The following NRXN3 variants were observed in gnomAD, a reference collection of about 807,000 sequenced individuals.
NRXN3 encodes neurexin 3, also known as neurexin III.
A neutral mutation model predicts 137.6 loss-of-function variants in NRXN3; 32 were observed. That is an observed-to-expected ratio of 0.23 (90% CI 0.18 to 0.31). The LOEUF is 0.31. NRXN3 is among the 10% of genes least tolerant of loss of function. The probability of loss-of-function intolerance (pLI) is 1.00; values close to 1 mark genes in which losing one functional copy is unlikely to be tolerated. For synonymous variants in NRXN3, 798 were observed against 784.5 expected, an observed-to-expected ratio of 1.02 and a Z score of -0.29; for missense variants, 1,574 against 2,062.5, an observed-to-expected ratio of 0.76 and a Z score of 4.59.
chr14:79,398,845 A>T (rs2095102937), intron 15 of NRXN3, among the ~76,000 whole-genome samples: 1 of 151,898 alleles, frequency 6.6e-6, no homozygotes, highest in African/African-American at 2.4e-5. Context: ...CCCTGTCTCT[A>T]CTAAAAATAC....
chr14:78,944,837 G>A (rs1031899847), intron 10 of NRXN3, among the ~76,000 whole-genome samples: 6 of 152,072 alleles, frequency 3.9e-5, no homozygotes, highest in Middle Eastern at 3.2e-3. Flanking sequence ...ACCTGCATCC[G>A]GAATATCAGG....
chr14:78,978,914 C>A (rs1477600407), intron 14 of NRXN3, among the ~76,000 whole-genome samples: 1 of 151,768 alleles, frequency 6.6e-6, no homozygotes, highest in Admixed American at 6.6e-5. Context: ...ATGGGGGTGG[C>A]AGGGGCAGAA....
At chr14:79,264,223 G>T (rs1470139422) in intron 15 of NRXN3, among the ~76,000 whole-genome samples, 1 of 151,984 alleles carries the variant, frequency 6.6e-6, no homozygotes, top group Non-Finnish European at 1.5e-5. Context: ...CAGGTAGCTG[G>T]GGTTACAGAA....
intron 15 of NRXN3, among the ~76,000 whole-genome samples, chr14:79,007,986 T>A (rs144863008): frequency 6.6e-6 from 1 of 152,028 alleles, no homozygotes; most frequent in Non-Finnish European, 1.5e-5. Context: ...CTCTGTCAAG[T>A]GGCTCAAGCA....
intron 15 of NRXN3, among the ~76,000 whole-genome samples, chr14:79,168,695 T>C (rs1653180680): frequency 6.6e-6 from 1 of 151,766 alleles, no homozygotes; most frequent in Non-Finnish European, 1.5e-5. Flanking sequence ...TGTATTCTTC[T>C]TGAAGCCTGT....
rs555939441 is a variant in NRXN3, at chr14:78,524,194, GT to G, written c.758-120917del. On this transcript the variant is annotated intron_variant, in intron 4 of 20. Transcript: ENST00000335750. ...ACTAATCTCAGAAATCTTAGTGTAT[GT>G]TTTTTTTTGTCTTTACTGGATAGTT... is the stretch of plus-strand genomic sequence containing the variant. 6.3e-4 allele frequency among the ~76,000 whole-genome samples: 96 copies of G among 151,472 alleles called. 1 individual carries two copies. The highest frequency in any genetic ancestry group is 7.8e-4 in the Non-Finnish European group (53 of 67,816).
chr14:78,744,303 G>A (rs1044535893), intron 8 of NRXN3: 1 of 152,098 alleles, frequency 6.6e-6, no homozygotes, highest in Non-Finnish European at 1.5e-5. Flanking sequence ...TATTTTTTGT[G>A]TTTCTAGTAG....
intron 16 of NRXN3, among the ~76,000 whole-genome samples, chr14:79,615,370 G>A (rs1278570709): frequency 1.3e-5 from 2 of 152,146 alleles, no homozygotes; most frequent in Admixed American, 6.5e-5. Flanking sequence ...ACTTGAGTTG[G>A]CTGATGAAGG....
intron 8 of NRXN3, among the ~76,000 whole-genome samples, chr14:78,751,891 A>T (rs1009071123): frequency 1.3e-5 from 2 of 152,160 alleles, no homozygotes; most frequent in Admixed American, 1.3e-4. Flanking sequence ...CCTCCAGGTG[A>T]TTCATGTACA....
intron 6 of NRXN3, among the ~76,000 whole-genome samples, chr14:78,654,398 C>T (rs553351654): frequency 6.6e-6 from 1 of 152,264 alleles, no homozygotes; most frequent in East Asian, 1.9e-4. Flanking sequence ...GTGTAATTTT[C>T]TTCAAATTAG....
chr14:78,253,544 G>A (rs1596396396), intron 2 of NRXN3, among the ~76,000 whole-genome samples: 1 of 152,216 alleles, frequency 6.6e-6, no homozygotes, highest in East Asian at 1.9e-4. Flanking sequence ...GCAAAGTGGT[G>A]CATGCCTGTG....
At chr14:79,859,303 C>G (rs2099409507) in intron 20 of NRXN3, among the ~76,000 whole-genome samples, 1 of 152,092 alleles carries the variant, frequency 6.6e-6, no homozygotes, top group Admixed American at 6.6e-5. Flanking sequence ...TTGTTATTGG[C>G]TAAACAGGGA....
intron 16 of NRXN3, among the ~76,000 whole-genome samples, chr14:79,532,222 T>C (rs2097175871): frequency 6.6e-6 from 1 of 152,216 alleles, no homozygotes; most frequent in South Asian, 2.1e-4. Flanking sequence ...CACGTGTGTA[T>C]GTCTTTATGT....
At chr14:79,760,255 T>A (rs1025131500) in intron 19 of NRXN3, among the ~76,000 whole-genome samples, 3 of 151,616 alleles carry the variant, frequency 2.0e-5, no homozygotes, top group African/African-American at 7.3e-5. Flanking sequence ...CCAGTGATAG[T>A]TAGAAAGTCT....
intron 15 of NRXN3, among the ~76,000 whole-genome samples, chr14:79,102,077 C>CAT: frequency 6.6e-6 from 1 of 152,108 alleles, no homozygotes; most frequent in Non-Finnish European, 1.5e-5. Context: ...GAGAGCATTG[C>CAT]TCTGCTCATG....
At chr14:78,813,332 G>A (rs1179737204) in intron 10 of NRXN3, among the ~76,000 whole-genome samples, 2 of 152,100 alleles carry the variant, frequency 1.3e-5, no homozygotes, top group African/African-American at 2.4e-5. Flanking sequence ...AGCTTGACCT[G>A]TTACAGGATC....
At chr14:78,474,926 C>G (rs1383697246) in intron 4 of NRXN3, among the ~76,000 whole-genome samples, 1 of 152,178 alleles carries the variant, frequency 6.6e-6, no homozygotes, top group Non-Finnish European at 1.5e-5. Flanking sequence ...TTTAAAAGTA[C>G]AGATCTTTAG....
intron 10 of NRXN3, among the ~76,000 whole-genome samples, chr14:78,823,779 G>A (rs374622075): frequency 1.3e-5 from 2 of 152,076 alleles, no homozygotes; most frequent in South Asian, 2.1e-4. Context: ...GAATATTTAC[G>A]GAGGAGAACC....
chr14:79,600,894 CAAGGGAAGGG>C (rs376656768), intron 16 of NRXN3, among the ~76,000 whole-genome samples: 1 of 150,150 alleles, frequency 6.7e-6, no homozygotes, highest in African/African-American at 2.5e-5. Flanking sequence ...GGAAGGAAGA[CAAGGGAAGGG>C]AAGGGATGGT....
Sources: allele counts gnomAD v4.1 joint callset (sites outside exome capture counted in the v4.1 genomes callset), GRCh38; gene constraint gnomAD v4.1.1; transcripts MANE v1.5; gene names NCBI Gene and HGNC (gene_info 2026-07-23, HGNC 2026-07-21).